TRIM5: variants seen among roughly 807,000 people sequenced by gnomAD.
TRIM5 encodes tripartite motif containing 5.
TRIM5 carries 31 observed loss-of-function variants against 35.6 expected under a neutral mutation model. The ratio of observed to expected loss-of-function variants is 0.87; its 90% CI spans 0.65 to 1.18. TRIM5 has a LOEUF of 1.18. Among genes scored for constraint, TRIM5 ranks in the 50% most tolerant of loss-of-function variants. TRIM5 has a pLI of 0.00. For missense variants in TRIM5, 609 were observed against 591.6 expected (o/e 1.03, Z -0.31); for synonymous variants, 243 against 215.6 (o/e 1.13, Z -1.11).
the TRIM5 span, chr11:5,595,104 CTT>C: frequency 6.6e-6 from 1 of 152,222 alleles, no homozygotes. Flanking sequence ...AGAGAAATCT[CTT>C]GATACTTAAC....
chr11:5,610,919 G>A, the TRIM5 span: 3 of 1,614,054 alleles, frequency 1.9e-6, no homozygotes, highest in Admixed American at 3.3e-5. Flanking sequence ...TGGGCTCCCA[G>A]CACTTCTCCT....
the TRIM5 span, chr11:5,643,641 C>G: frequency 1.2e-6 from 2 of 1,614,072 alleles, no homozygotes; most frequent in Non-Finnish European, 8.5e-7. Context: ...CTTTTCTCAG[C>G]CTGTTTATCC....
chr11:5,617,484 A>G, the TRIM5 span, among the ~76,000 whole-genome samples: 2 of 124,218 alleles, frequency 1.6e-5, no homozygotes, highest in Non-Finnish European at 3.5e-5. Context: ...TATGGACTCA[A>G]TCTTTTTTTT....
chr11:5,631,079 G>A, the TRIM5 span, among the ~76,000 whole-genome samples: 2 of 152,098 alleles, frequency 1.3e-5, no homozygotes, highest in African/African-American at 4.8e-5. Flanking sequence ...TCTATTCCTC[G>A]ATGATCTGAC....
At chr11:5,595,777 C>T in the TRIM5 span, among the ~76,000 whole-genome samples, 24 of 151,506 alleles carry the variant, frequency 1.6e-4, no homozygotes, top group Non-Finnish European at 3.4e-4. Context: ...AGTGCAACCT[C>T]CACCTCCCGG....
chr11:5,596,720 A>T, the TRIM5 span: 1 of 925,020 alleles, frequency 1.1e-6, no homozygotes. Flanking sequence ...CGGAGGAGGG[A>T]TCCCCTGCCT....
the TRIM5 span, chr11:5,603,436 A>T: frequency 6.2e-7 from 1 of 1,614,028 alleles, no homozygotes; most frequent in Non-Finnish European, 8.5e-7. Flanking sequence ...CATCACACCA[A>T]ATGGCAGGGA....
At chr11:5,671,096 C>T (rs971848252) in intron 4 of TRIM5, among the ~76,000 whole-genome samples, 3 of 151,966 alleles carry the variant, frequency 2.0e-5, no homozygotes, top group Admixed American at 1.3e-4. Context: ...CATGGTAGTG[C>T]GGAGCTGTAG....
the TRIM5 span, among the ~76,000 whole-genome samples, chr11:5,588,698 T>C: frequency 2.4e-4 from 37 of 152,020 alleles, no homozygotes; most frequent in African/African-American, 7.2e-4. Flanking sequence ...ATGTCTATGT[T>C]GACATCAATT....
chr11:5,637,961 C>T, the TRIM5 span, among the ~76,000 whole-genome samples: 1 of 152,180 alleles, frequency 6.6e-6, no homozygotes, highest in Non-Finnish European at 1.5e-5. Flanking sequence ...GTAATAACAC[C>T]TGGAATTACT....
the TRIM5 span, chr11:5,610,764 C>A: frequency 6.2e-7 from 1 of 1,612,958 alleles, no homozygotes; most frequent in South Asian, 1.1e-5. Context: ...TGATGTTGTA[C>A]CTTTTCCTAC....
the TRIM5 span, among the ~76,000 whole-genome samples, chr11:5,654,313 C>T: frequency 6.6e-6 from 1 of 152,074 alleles, no homozygotes; most frequent in Non-Finnish European, 1.5e-5. Flanking sequence ...TAGAAAAATA[C>T]TTTTTGCTTC....
the TRIM5 span, among the ~76,000 whole-genome samples, chr11:5,597,201 T>G: frequency 6.6e-6 from 1 of 152,258 alleles, no homozygotes; most frequent in African/African-American, 2.4e-5. Context: ...CTTGACTTCT[T>G]TGAGCTTTAG....
chr11:5,628,902 T>C, the TRIM5 span, among the ~76,000 whole-genome samples: 1 of 152,130 alleles, frequency 6.6e-6, no homozygotes, highest in Non-Finnish European at 1.5e-5. Context: ...CTTTGGCTTA[T>C]ATCTGTGCTA....
chr11:5,615,790 A>C, the TRIM5 span, among the ~76,000 whole-genome samples: 1 of 151,424 alleles, frequency 6.6e-6, no homozygotes, highest in South Asian at 2.1e-4. Flanking sequence ...ACGGGGTTTC[A>C]CCATGTTGGT....
chr11:5,653,299 G>A, the TRIM5 span, among the ~76,000 whole-genome samples: 17 of 152,136 alleles, frequency 1.1e-4, no homozygotes, highest in African/African-American at 4.1e-4. Flanking sequence ...AATGTGCCTT[G>A]AAGAAGACTT....
downstream of TRIM5, among the ~76,000 whole-genome samples, chr11:5,659,262 C>A (rs78886114): frequency 0.028 from 4,238 of 152,270 alleles, 206 homozygotes; most frequent in African/African-American, 0.097. Flanking sequence ...TCTGCATTCT[C>A]CCCTAGAGCT....
At chr11:5,665,828 C>T in intron 6 of TRIM5, 146 bp from the exon 7 acceptor site, 2 of 1,326,278 alleles carry the variant, frequency 1.5e-6, no homozygotes, top group Non-Finnish European at 2.0e-6. Flanking sequence ...GCCACCTAGC[C>T]ATTTCCCATT....
At chr11:5,676,100 A>G (rs1392544698) in intron 4 of TRIM5, among the ~76,000 whole-genome samples, 1 of 145,434 alleles carries the variant, frequency 6.9e-6, no homozygotes, top group East Asian at 2.0e-4. Flanking sequence ...CCAGTCTATC[A>G]TTGTTGGACA....
Sources: gnomAD v4.1 joint callset for allele counts (sites outside exome capture counted in the v4.1 genomes callset) on GRCh38, gnomAD v4.1.1 for gene constraint, MANE v1.5 for transcripts, NCBI Gene and HGNC (gene_info 2026-07-23, HGNC 2026-07-21) for gene names.